EYS: variants seen among roughly 807,000 people sequenced by gnomAD.
EYS encodes the protein protein eyes shut homolog.
EYS carries 250 observed loss-of-function variants against 282.1 expected under a neutral mutation model. The observed-to-expected ratio is 0.89, with a 90% CI of 0.80 to 0.98. The LOEUF (loss-of-function observed/expected upper bound fraction) is 0.98. Among genes scored for constraint, EYS ranks in the 50% least tolerant of loss-of-function variants. EYS has a pLI of 0.00. For synonymous variants in EYS, 1,355 were observed against 1,282.9 expected (o/e 1.06, Z -1.20); for missense variants, 4,016 against 3,709.0 (o/e 1.08, Z -2.15).
chr6:64,671,725 G>T (rs185223150), intron 22 of EYS, among the ~76,000 whole-genome samples: 166 of 151,548 alleles, frequency 1.1e-3, no homozygotes, highest in African/African-American at 3.8e-3. Flanking sequence ...TATTATAATA[G>T]AATTTAAAAA....
intron 30 of EYS, among the ~76,000 whole-genome samples, chr6:64,243,008 A>C (rs145312811): frequency 6.8e-6 from 1 of 146,928 alleles, no homozygotes; most frequent in Non-Finnish European, 1.5e-5. Context: ...ATTATAATTT[A>C]TATATATTTA....
chr6:65,064,397 G>A (rs561127656), intron 12 of EYS, among the ~76,000 whole-genome samples: 184 of 141,742 alleles, frequency 1.3e-3, no homozygotes, highest in South Asian at 2.0e-3. Flanking sequence ...TATAGTATAC[G>A]ATATATCATA....
intron 12 of EYS, among the ~76,000 whole-genome samples, chr6:65,249,758 A>G (rs532660216): frequency 6.6e-6 from 1 of 152,252 alleles, no homozygotes; most frequent in East Asian, 1.9e-4. Context: ...AGAGAAAACC[A>G]TTGAATGAAA....
At chr6:65,512,478 G>A (rs1176145647) in intron 2 of EYS, among the ~76,000 whole-genome samples, 3 of 129,366 alleles carry the variant, frequency 2.3e-5, no homozygotes, top group Non-Finnish European at 4.8e-5. Flanking sequence ...GGGCGACAGA[G>A]CGAGACTCTA....
chr6:64,932,619 C>A (rs909813511), intron 15 of EYS, among the ~76,000 whole-genome samples: 1 of 151,840 alleles, frequency 6.6e-6, no homozygotes, highest in Middle Eastern at 3.2e-3. Flanking sequence ...ATATAAACAG[C>A]CCTAATCTCT....
At chr6:65,238,623 C>A (rs1766983934) in intron 12 of EYS, among the ~76,000 whole-genome samples, 1 of 151,812 alleles carries the variant, frequency 6.6e-6, no homozygotes, top group Non-Finnish European at 1.5e-5. Context: ...AATGATCCAC[C>A]ATAATGTTGT....
intron 14 of EYS, among the ~76,000 whole-genome samples, chr6:64,956,603 G>A (rs1043521481): frequency 8.3e-5 from 12 of 145,030 alleles, no homozygotes; most frequent in Admixed American, 6.8e-4. Flanking sequence ...AAGTTAAAAA[G>A]CTCCTGCACA....
At chr6:63,912,690 A>C (rs1229796225) in intron 35 of EYS, among the ~76,000 whole-genome samples, 1 of 152,046 alleles carries the variant, frequency 6.6e-6, no homozygotes, top group African/African-American at 2.4e-5. Context: ...ATTTCTCATG[A>C]ATGGTTTACC....
intron 1 of EYS, among the ~76,000 whole-genome samples, chr6:65,695,424 G>A (rs2149847694): frequency 6.6e-6 from 1 of 152,116 alleles, no homozygotes; most frequent in East Asian, 1.9e-4. Flanking sequence ...GGTGTTCTGA[G>A]AAATTCTACT....
In EYS at chr6:65,393,203, G is replaced by A. The variant is rs940399253; in HGVS notation, c.1185-8703C>T. 1.0e-3 allele frequency among the ~76,000 whole-genome samples: 158 copies of A among 151,836 alleles called. 1 individual carries two copies. The highest frequency in any genetic ancestry group is 3.4e-3 in the Middle Eastern group (1 of 294). ...GGGGGGACGGGGGAGGGATAGCATT[G>A]GGAGATATACCTAATGCTAGATGAT... is the stretch of plus-strand genomic sequence containing the variant. On this transcript the variant is annotated intron_variant, in intron 7 of 42. Coordinates refer to ENST00000503581, the MANE Select transcript of EYS (RefSeq NM_001142800.2).
chr6:64,374,243 G>A lies in EYS; in HGVS notation c.6078+14447C>T, dbSNP rs139523785. ...TGAGTGGTGTGGGGGTTAGGGCCTG[G>A]GGGTTGGAGCAATCTAATACGAGGC... is the stretch of plus-strand genomic sequence containing the variant. On this transcript the variant is annotated intron_variant, in intron 29 of 42. Transcript: ENST00000503581. Among the ~76,000 whole-genome samples the A allele has an allele frequency of 7.6e-3, 1,143 of 150,240 alleles. 29 individuals are homozygous for A. The highest frequency in any genetic ancestry group is 0.026 in the African/African-American group (1,041 of 40,568).
chr6:64,902,361 G>A (rs1186328408), intron 17 of EYS, 43 bp downstream of exon 17: 1 of 1,379,312 alleles, frequency 7.2e-7, no homozygotes, highest in Non-Finnish European at 1.0e-6. Flanking sequence ...TATACATCTA[G>A]ACACATAAAC....
intron 12 of EYS, among the ~76,000 whole-genome samples, chr6:65,091,452 GAAAT>G (rs59923804): frequency 4.8e-4 from 69 of 144,224 alleles, no homozygotes; most frequent in Middle Eastern, 7.0e-3. Flanking sequence ...TACATCTCAA[GAAAT>G]AAATAAATAA....
chr6:64,211,317 T>A (rs1263637032), intron 31 of EYS, among the ~76,000 whole-genome samples: 2 of 152,182 alleles, frequency 1.3e-5, no homozygotes, highest in African/African-American at 4.8e-5. Context: ...AGACTTTAGG[T>A]AATCTGAAGG....
chr6:64,661,226 G>A (rs867590954), intron 22 of EYS, among the ~76,000 whole-genome samples: 159 of 151,968 alleles, frequency 1.0e-3, no homozygotes, highest in African/African-American at 3.7e-3. Flanking sequence ...CACCTTATAG[G>A]AAAATTAATT....
At chr6:64,623,859 G>A (rs113110675) in intron 23 of EYS, among the ~76,000 whole-genome samples, 147 of 152,112 alleles carry the variant, frequency 9.7e-4, no homozygotes, top group Middle Eastern at 3.4e-3. Flanking sequence ...CCCTGAAACC[G>A]TGGCAAACTA....
chr6:63,727,445 A>G (rs1213037936), intron 41 of EYS, among the ~76,000 whole-genome samples: 1 of 151,278 alleles, frequency 6.6e-6, no homozygotes, highest in Admixed American at 6.6e-5. Flanking sequence ...GCATTTGCTG[A>G]TTTTTTTTAA....
At chr6:64,167,378 G>C (rs958002067) in intron 31 of EYS, among the ~76,000 whole-genome samples, 2 of 152,170 alleles carry the variant, frequency 1.3e-5, no homozygotes, top group Non-Finnish European at 2.9e-5. Flanking sequence ...GTTCCTGAGA[G>C]TAAAATGATA....
At chr6:64,025,391 C>G (rs1333881111) in intron 33 of EYS, among the ~76,000 whole-genome samples, 1 of 152,140 alleles carries the variant, frequency 6.6e-6, no homozygotes, top group African/African-American at 2.4e-5. Context: ...GCATGTCGCC[C>G]AAGCAAGACT....
Sources: gnomAD v4.1 joint callset for allele counts (sites outside exome capture counted in the v4.1 genomes callset) on GRCh38, gnomAD v4.1.1 for gene constraint, MANE v1.5 for transcripts, NCBI Gene and HGNC (gene_info 2026-07-23, HGNC 2026-07-21) for gene names.